Variants in APPL1 observed in about 807,000 individuals in gnomAD.
The protein encoded by APPL1 is adaptor protein, phosphotyrosine interacting with PH domain and leucine zipper 1, also known as DCC-interacting protein 13-alpha.
APPL1 carries 42 observed loss-of-function variants against 106.8 expected under a neutral mutation model. The observed-to-expected ratio is 0.39, with a 90% CI of 0.31 to 0.51. The LOEUF (loss-of-function observed/expected upper bound fraction) is 0.51. Ranked by LOEUF, APPL1 falls within the 20% of genes least tolerant of loss-of-function variation. APPL1 has a pLI of 0.75. For synonymous variants in APPL1, 263 were observed against 281.8 expected (o/e 0.93, Z 0.67); for missense variants, 769 against 858.2 (o/e 0.90, Z 1.30).
rs1469443659 is a variant in APPL1 at position 57,228,763 on chromosome 3, TA to T, written c.54+827del. On this transcript the variant is annotated intron_variant, in intron 1 of 21. Coordinates refer to ENST00000288266, the MANE Select transcript of APPL1 (RefSeq NM_012096.3). The surrounding 1 kb of genome is among the most constrained non-coding windows in gnomAD (Gnocchi z 4.6). The stretch of plus-strand genomic sequence containing the variant: ...ATGTTGGCAGGGGCTGTAACTTGCA[TA>T]GGGAAAACTTCATCTCTAAGCCGTT... Among the ~76,000 whole-genome samples the T allele has an allele frequency of 3.3e-4, 51 of 152,354 alleles. No homozygotes were observed. The highest frequency in any genetic ancestry group is 1.1e-3 in the African/African-American group (46 of 41,584).
chr3:57,261,377 G>C (rs2060864366), intron 19 of APPL1, among the ~76,000 whole-genome samples: 2 of 152,116 alleles, frequency 1.3e-5, no homozygotes, highest in South Asian at 4.1e-4. Flanking sequence ...CATTTAGATT[G>C]ACTTAATATC....
At chr3:57,230,033 T>C (rs2060678760) in intron 1 of APPL1, among the ~76,000 whole-genome samples, 1 of 152,188 alleles carries the variant, frequency 6.6e-6, no homozygotes, top group Non-Finnish European at 1.5e-5. Flanking sequence ...TAATTTTTAA[T>C]GAAGTAGACA....
intron 11 of APPL1, among the ~76,000 whole-genome samples, chr3:57,250,372 T>C (rs947273263): frequency 1.5e-4 from 23 of 152,294 alleles, no homozygotes; most frequent in Admixed American, 1.4e-3. Context: ...ACTCCTGGAC[T>C]TAAGTGATCT....
At chr3:57,238,158 A>C in intron 4 of APPL1, 42 bp downstream of exon 4, 1 of 1,446,124 alleles carries the variant, frequency 6.9e-7, no homozygotes, top group Non-Finnish European at 9.6e-7. Flanking sequence ...TGGTCTTATA[A>C]TTGAGTTACC....
At position 57,272,472 on chromosome 3, in the gene APPL1, A is replaced by G. The variant is rs558067477; in HGVS notation, c.*2785A>G. On this transcript the variant is annotated 3_prime_UTR_variant, in exon 22 of 22. Coordinates refer to ENST00000288266, the MANE Select transcript of APPL1 (RefSeq NM_012096.3). ...CATCCTAGGGAAGATAAAATCGTATATGGTAAAGGCATTTGAGTTAATTTT... is the reference window on the plus strand; with the variant it reads ...CATCCTAGGGAAGATAAAATCGTATGTGGTAAAGGCATTTGAGTTAATTTT... 6.6e-6 allele frequency: 1 copy of G among 152,316 alleles called. No individual in the cohort carries two copies. Among genetic ancestry groups the G allele is most frequent in the South Asian group, 2.1e-4 (1 of 4,826 alleles). 9.4% of individuals were successfully genotyped at this position (152,316 alleles called of 1,614,324 possible).
At chr3:57,256,872 G>A (rs1239964321) in intron 13 of APPL1, 85 bp from the exon 14 acceptor site, 2 of 1,020,114 alleles carry the variant, frequency 2.0e-6, no homozygotes, top group Non-Finnish European at 3.1e-6. Flanking sequence ...TAACTCAGAA[G>A]CATTCTAACA....
intron 19 of APPL1, among the ~76,000 whole-genome samples, chr3:57,265,413 G>A (rs2060889387): frequency 1.3e-5 from 2 of 152,186 alleles, no homozygotes; most frequent in South Asian, 4.1e-4. Flanking sequence ...GCCTCCCAAA[G>A]TGCTGGGATT....
chr3:57,232,437 G>T (rs2060691564), intron 1 of APPL1, among the ~76,000 whole-genome samples: 1 of 152,138 alleles, frequency 6.6e-6, no homozygotes, highest in African/African-American at 2.4e-5. Context: ...GTAGCATACT[G>T]GCCAAGTGTA....
At chr3:57,258,199 C>T (rs1225352390) in intron 15 of APPL1, among the ~76,000 whole-genome samples, 1 of 152,052 alleles carries the variant, frequency 6.6e-6, no homozygotes, top group Non-Finnish European at 1.5e-5. Context: ...ACTCTGTTGC[C>T]CAGGCTGGAG....
chr3:57,268,690 A>G (rs1474368863), intron 21 of APPL1: 2 of 382,338 alleles, frequency 5.2e-6, no homozygotes, highest in Non-Finnish European at 8.7e-6. Context: ...TTGACATGTA[A>G]TATGACTGTT....
At chr3:57,261,892 G>T (rs929094093) in intron 19 of APPL1, among the ~76,000 whole-genome samples, 2 of 152,154 alleles carry the variant, frequency 1.3e-5, no homozygotes, top group African/African-American at 4.8e-5. Flanking sequence ...CACCAACAGT[G>T]TATGAGTTCC....
chr3:57,259,516 G>A (rs1326026596), intron 16 of APPL1, among the ~76,000 whole-genome samples: 1 of 151,886 alleles, frequency 6.6e-6, no homozygotes, highest in African/African-American at 2.4e-5. Flanking sequence ...GGCTGGTCTC[G>A]AACTCCTGGG....
intron 11 of APPL1, among the ~76,000 whole-genome samples, chr3:57,251,377 A>G (rs2060803703): frequency 6.6e-6 from 1 of 151,618 alleles, no homozygotes; most frequent in Non-Finnish European, 1.5e-5. Flanking sequence ...TACAAAAATT[A>G]TCTGGGCATG....
At chr3:57,240,675 T>TA in intron 5 of APPL1, 123 bp downstream of exon 5, 1 of 788,340 alleles carries the variant, frequency 1.3e-6, no homozygotes, top group Non-Finnish European at 2.1e-6. Context: ...TTTGCTCAGT[T>TA]ACCAAACATT....
intron 1 of APPL1, among the ~76,000 whole-genome samples, chr3:57,231,424 C>T (rs2060686588): frequency 6.6e-6 from 1 of 150,738 alleles, no homozygotes; most frequent in South Asian, 2.1e-4. Flanking sequence ...GAACTCCTGG[C>T]CTTAGTGCTG....
At chr3:57,236,340 T>A (rs1328355030) in intron 2 of APPL1, among the ~76,000 whole-genome samples, 1 of 147,784 alleles carries the variant, frequency 6.8e-6, no homozygotes, top group Non-Finnish European at 1.5e-5. Flanking sequence ...CTTTTTTTTT[T>A]TTTTGGAGAT....
intron 13 of APPL1, among the ~76,000 whole-genome samples, chr3:57,255,263 T>C (rs1170929278): frequency 6.6e-6 from 1 of 152,186 alleles, no homozygotes; most frequent in Non-Finnish European, 1.5e-5. Context: ...GTCTGTGCTA[T>C]GGGAGTCCAG....
intron 19 of APPL1, 82 bp downstream of exon 19, chr3:57,260,856 C>G: frequency 3.0e-6 from 4 of 1,311,836 alleles, no homozygotes; most frequent in Non-Finnish European, 3.0e-6. Flanking sequence ...TAAATTCTTA[C>G]AAATTAAATT....
intron 1 of APPL1, among the ~76,000 whole-genome samples, chr3:57,231,736 A>G (rs1034772154): frequency 3.3e-5 from 5 of 150,604 alleles, no homozygotes; most frequent in Non-Finnish European, 7.4e-5. Context: ...TGAGTCCAGG[A>G]GTCTGTGGCT....
Sources: gnomAD v4.1 joint callset for allele counts (sites outside exome capture counted in the v4.1 genomes callset) on GRCh38, gnomAD v4.1.1 for gene constraint, Gnocchi (gnomAD v3.1) non-coding constraint, MANE v1.5 for transcripts, NCBI Gene and HGNC (gene_info 2026-07-23, HGNC 2026-07-21) for gene names.